The following COL22A1 variants were observed in gnomAD, a reference collection of about 807,000 sequenced individuals.
COL22A1 encodes the protein collagen alpha-1(XXII) chain.
In COL22A1, 221 loss-of-function variants were observed where a neutral mutation model predicts 248.9. The observed-to-expected ratio is 0.89, with a 90% CI of 0.80 to 0.99. The LOEUF (loss-of-function observed/expected upper bound fraction) is 0.99, where lower values mean the gene tolerates loss of function less well. COL22A1 is among the 50% of genes least tolerant of loss of function. COL22A1 has a pLI of 0.00. For synonymous variants in COL22A1, 891 were observed against 793.4 expected, an observed-to-expected ratio of 1.12 and a Z score of -2.07; for missense variants, 2,240 against 2,179.0, an observed-to-expected ratio of 1.03 and a Z score of -0.56.
chr8:138,882,545 TG>T (rs1824299785), intron 2 of COL22A1, among the ~76,000 whole-genome samples: 1 of 128,956 alleles, frequency 7.8e-6, no homozygotes, highest in African/African-American at 3.1e-5. Context: ...CTCCCCCACA[TG>T]CTCCCTCAAA....
chr8:138,813,077 T>A, intron 7 of COL22A1, 58 bp from the exon 8 acceptor site: 3 of 1,370,694 alleles, frequency 2.2e-6, no homozygotes, highest in Non-Finnish European at 3.1e-6. Flanking sequence ...CCCAGAAACC[T>A]CCGTGGTTTC....
intron 51 of COL22A1, 124 bp from the exon 52 acceptor site, chr8:138,623,909 G>A: frequency 1.4e-6 from 1 of 738,904 alleles, no homozygotes; most frequent in South Asian, 1.8e-5. Context: ...TGGCAGCTAA[G>A]GCAGTGTCTC....
chr8:138,802,442 A>T (rs1258674329), intron 11 of COL22A1, among the ~76,000 whole-genome samples: 6 of 151,684 alleles, frequency 4.0e-5, no homozygotes, highest in Non-Finnish European at 8.8e-5. Context: ...TGTCTTGGAG[A>T]ATTAGACACA....
intron 64 of COL22A1, among the ~76,000 whole-genome samples, chr8:138,590,474 C>T (rs1564068844): frequency 6.6e-6 from 1 of 151,982 alleles, no homozygotes; most frequent in Admixed American, 6.6e-5. Context: ...TTGAAATTGC[C>T]TTCTTTTAAA....
intron 63 of COL22A1, among the ~76,000 whole-genome samples, chr8:138,592,115 T>C (rs1817119627): frequency 6.6e-6 from 1 of 152,082 alleles, no homozygotes; most frequent in African/African-American, 2.4e-5. Context: ...AGAAATCAAA[T>C]AGGGCAAGAA....
intron 22 of COL22A1, among the ~76,000 whole-genome samples, chr8:138,743,796 CA>C (rs1831892229): frequency 2.0e-5 from 3 of 152,088 alleles, no homozygotes; most frequent in Non-Finnish European, 4.4e-5. Flanking sequence ...TTCTGAATGC[CA>C]AGATGCTGAG....
At chr8:138,834,271 A>C (rs533151936) in intron 4 of COL22A1, among the ~76,000 whole-genome samples, 4 of 151,712 alleles carry the variant, frequency 2.6e-5, no homozygotes, top group Non-Finnish European at 5.9e-5. Flanking sequence ...CGGTATTCAC[A>C]CCTAACCCAT....
intron 3 of COL22A1, among the ~76,000 whole-genome samples, chr8:138,864,301 GCTGT>G (rs1822704101): frequency 1.3e-5 from 2 of 152,052 alleles, no homozygotes; most frequent in African/African-American, 4.8e-5. Flanking sequence ...TTAAGGGGCA[GCTGT>G]CTGTCAGGTT....
chr8:138,875,023 G>A (rs796617714), intron 3 of COL22A1, among the ~76,000 whole-genome samples: 36 of 152,142 alleles, frequency 2.4e-4, no homozygotes, highest in African/African-American at 8.0e-4. Flanking sequence ...CTTCATCAGA[G>A]TCTCTTCACT....
chr8:138,823,243 T>C (rs1381890628), intron 6 of COL22A1, among the ~76,000 whole-genome samples: 3 of 152,212 alleles, frequency 2.0e-5, no homozygotes, highest in African/African-American at 2.4e-5. Flanking sequence ...AAGTATAATA[T>C]ATATAAAACA....
At chr8:138,766,886 T>C (rs1438619188) in intron 16 of COL22A1, among the ~76,000 whole-genome samples, 1 of 152,196 alleles carries the variant, frequency 6.6e-6, no homozygotes, top group Non-Finnish European at 1.5e-5. Context: ...CTGCTGTTGA[T>C]TGGGTTTGCC....
At chr8:138,756,469 T>C (rs1304266513) in intron 18 of COL22A1, among the ~76,000 whole-genome samples, 1 of 152,182 alleles carries the variant, frequency 6.6e-6, no homozygotes, top group Non-Finnish European at 1.5e-5. Flanking sequence ...ATTTATCAAT[T>C]TTGATCACAG....
chr8:138,594,286 G>T (rs10110076), intron 62 of COL22A1, 87 bp from the exon 63 acceptor site: 1 of 1,105,264 alleles, frequency 9.0e-7, no homozygotes, highest in African/African-American at 1.8e-5. Flanking sequence ...CTCAGAACCA[G>T]GGGGCCGATA....
At chr8:138,779,440 G>T in intron 14 of COL22A1, 69 bp downstream of exon 14, 1 of 1,092,622 alleles carries the variant, frequency 9.2e-7, no homozygotes, top group Non-Finnish European at 1.4e-6. Context: ...TGCACCTAAA[G>T]CAACTGGCTT....
chr8:138,646,791 C>A, intron 46 of COL22A1, 109 bp from the exon 47 acceptor site: 1 of 770,344 alleles, frequency 1.3e-6, no homozygotes, highest in Non-Finnish European at 2.0e-6. Flanking sequence ...TGATTTTCCA[C>A]TGGGACTTCC....
At chr8:138,824,015 A>G (rs1468849736) in intron 6 of COL22A1, among the ~76,000 whole-genome samples, 1 of 152,236 alleles carries the variant, frequency 6.6e-6, no homozygotes, top group African/African-American at 2.4e-5. Flanking sequence ...TGTGCTCCAC[A>G]TGGCTTCAGT....
intron 3 of COL22A1, among the ~76,000 whole-genome samples, chr8:138,865,929 G>A (rs111269411): frequency 0.082 from 12,414 of 151,154 alleles, 682 homozygotes; most frequent in African/African-American, 0.16. Context: ...GTGTATATGT[G>A]TGTGTATGTT....
intron 32 of COL22A1, among the ~76,000 whole-genome samples, chr8:138,698,200 G>A (rs143263376): frequency 2.8e-3 from 419 of 152,302 alleles, no homozygotes; most frequent in Non-Finnish European, 4.3e-3. Context: ...AGGTGGTCCA[G>A]GAAAGGCAGG....
At chr8:138,693,496 T>C in intron 35 of COL22A1, 150 bp downstream of exon 35, 1 of 731,184 alleles carries the variant, frequency 1.4e-6, no homozygotes, top group Non-Finnish European at 2.4e-6. Context: ...CTCTCCGTGC[T>C]GACTCCCACC....
Sources: allele counts gnomAD v4.1 joint callset (sites outside exome capture counted in the v4.1 genomes callset), GRCh38; gene constraint gnomAD v4.1.1; transcripts MANE v1.5; gene names NCBI Gene and HGNC (gene_info 2026-07-23, HGNC 2026-07-21).